Variants in IL1RAPL2 observed in about 807,000 individuals in gnomAD.
IL1RAPL2 encodes interleukin 1 receptor accessory protein like 2, also known as X-linked interleukin-1 receptor accessory protein-like 2.
Under a neutral mutation model 44.1 loss-of-function variants are expected in IL1RAPL2, and 3 were observed. The ratio of observed to expected loss-of-function variants is 0.07; its 90% confidence interval spans 0.03 to 0.18. The LOEUF (loss-of-function observed/expected upper bound fraction) is 0.18. Among genes scored for constraint, IL1RAPL2 ranks in the 10% least tolerant of loss-of-function variants. The probability of loss-of-function intolerance (pLI) is 1.00; values close to 1 mark genes in which losing one functional copy is unlikely to be tolerated. For synonymous variants in IL1RAPL2, 181 were observed against 178.8 expected (o/e 1.01, Z -0.10); for missense variants, 391 against 496.4 (o/e 0.79, Z 2.02).
chrX:105,097,339 A>AAAAAAAAAC, intron 2 of IL1RAPL2, among the ~76,000 whole-genome samples: 1 of 105,434 alleles, frequency 9.5e-6, no homozygotes, highest in African/African-American at 3.5e-5. Context: ...ACAAAAAAAA[A>AAAAAAAAAC]AAAAAAAAAA....
At chrX:104,620,427 C>G (rs1249276647) in intron 1 of IL1RAPL2, among the ~76,000 whole-genome samples, 1 of 107,379 alleles carries the variant, frequency 9.3e-6, no homozygotes, top group African/African-American at 3.4e-5. Flanking sequence ...ATCACAGGGT[C>G]AGGAGATCGA....
chrX:105,162,472 G>T (rs2033334249), intron 2 of IL1RAPL2, among the ~76,000 whole-genome samples: 1 of 112,096 alleles, frequency 8.9e-6, no homozygotes, highest in African/African-American at 3.2e-5. Flanking sequence ...CTTCTAAAGA[G>T]AAAATAAACA....
At chrX:104,934,307 G>A (rs769575535) in intron 2 of IL1RAPL2, among the ~76,000 whole-genome samples, 2 of 109,657 alleles carry the variant, frequency 1.8e-5, no homozygotes, top group East Asian at 2.8e-4. Context: ...TGCCATCAAG[G>A]AACAAATCAA....
At chrX:104,915,901 G>C (rs1249693816) in intron 2 of IL1RAPL2, among the ~76,000 whole-genome samples, 1 of 111,479 alleles carries the variant, frequency 9.0e-6, no homozygotes, top group African/African-American at 3.3e-5. Context: ...TTATTTCTGA[G>C]GGCTCTGTTC....
intron 2 of IL1RAPL2, among the ~76,000 whole-genome samples, chrX:104,880,582 A>T (rs1923037785): frequency 9.0e-6 from 1 of 111,627 alleles, no homozygotes; most frequent in Admixed American, 9.6e-5. Flanking sequence ...TATTTCCATC[A>T]TCCAAGTTCA....
intron 2 of IL1RAPL2, among the ~76,000 whole-genome samples, chrX:104,797,019 G>A (rs1175502654): frequency 3.6e-5 from 4 of 110,582 alleles, no homozygotes; most frequent in Non-Finnish European, 5.7e-5. Context: ...GATCCCGCCC[G>A]CCTCGGCCTC....
chrX:105,085,485 A>G (rs1229796437), intron 2 of IL1RAPL2, among the ~76,000 whole-genome samples: 2 of 112,477 alleles, frequency 1.8e-5, no homozygotes. Flanking sequence ...ATCACCTCAC[A>G]CCAGTCAGAA....
chrX:104,879,983 G>T (rs1277749014), intron 2 of IL1RAPL2, among the ~76,000 whole-genome samples: 1 of 111,427 alleles, frequency 9.0e-6, no homozygotes, highest in Non-Finnish European at 1.9e-5. Context: ...AATGTGAAAA[G>T]TGGGGGAGTG....
intron 2 of IL1RAPL2, among the ~76,000 whole-genome samples, chrX:105,144,092 T>TGG (rs1377414949): frequency 5.5e-4 from 43 of 78,633 alleles, no homozygotes; most frequent in Admixed American, 4.3e-3. Flanking sequence ...TTTCAACAGA[T>TGG]GGGTGTGTGT....
At chrX:104,633,735 C>T (rs775615451) in intron 1 of IL1RAPL2, among the ~76,000 whole-genome samples, 1 of 110,712 alleles carries the variant, frequency 9.0e-6, no homozygotes, top group Non-Finnish European at 1.9e-5. Flanking sequence ...TCTCTCTTTT[C>T]TTCTTTATTA....
intron 6 of IL1RAPL2, among the ~76,000 whole-genome samples, chrX:105,697,982 A>G (rs1161753705): frequency 9.0e-6 from 1 of 111,096 alleles, no homozygotes; most frequent in Non-Finnish European, 1.9e-5. Context: ...TATATAAGCC[A>G]ACAGTTTTTC....
intron 7 of IL1RAPL2, among the ~76,000 whole-genome samples, chrX:105,737,085 T>C (rs1056364153): frequency 9.9e-5 from 11 of 111,295 alleles, no homozygotes; most frequent in African/African-American, 3.6e-4. Flanking sequence ...TGCAGCAACA[T>C]GGATGGAGCT....
chrX:105,086,874 T>C (rs1239399539), intron 2 of IL1RAPL2, among the ~76,000 whole-genome samples: 2 of 110,879 alleles, frequency 1.8e-5, no homozygotes, highest in African/African-American at 3.3e-5. Context: ...CAGATCAAAA[T>C]AGTAGGGACC....
At chrX:105,476,561 T>C (rs2036198928) in intron 5 of IL1RAPL2, among the ~76,000 whole-genome samples, 1 of 111,958 alleles carries the variant, frequency 8.9e-6, no homozygotes, top group Admixed American at 9.5e-5. Context: ...CTAGAGAATA[T>C]ATCTTCTCTC....
intron 3 of IL1RAPL2, among the ~76,000 whole-genome samples, chrX:105,199,352 G>T: frequency 9.6e-6 from 1 of 103,843 alleles, no homozygotes. Context: ...ATTGTAGAAA[G>T]ATGCTCCAGG....
chrX:104,819,441 C>T (rs1921239630), intron 2 of IL1RAPL2, among the ~76,000 whole-genome samples: 1 of 111,916 alleles, frequency 8.9e-6, no homozygotes, highest in South Asian at 3.7e-4. Flanking sequence ...CAGAAACTGT[C>T]CGGAAAAGCA....
At chrX:105,552,396 A>G (rs1316814871) in intron 6 of IL1RAPL2, among the ~76,000 whole-genome samples, 1 of 112,485 alleles carries the variant, frequency 8.9e-6, no homozygotes, top group Non-Finnish European at 1.9e-5. Context: ...CACCAAAATT[A>G]TACCTTGTGG....
chrX:104,585,150 C>T (rs867843025), intron 1 of IL1RAPL2, among the ~76,000 whole-genome samples: 17 of 73,172 alleles, frequency 2.3e-4, no homozygotes, highest in Middle Eastern at 8.4e-3. Context: ...TACACACACA[C>T]ATATATATAC....
At chrX:105,210,507 G>A (rs2033799680) in intron 3 of IL1RAPL2, among the ~76,000 whole-genome samples, 1 of 110,443 alleles carries the variant, frequency 9.1e-6, no homozygotes, top group Non-Finnish European at 1.9e-5. Context: ...GGGTGGGGTG[G>A]GAAATGTACA....
Sources: gnomAD v4.1 joint callset for allele counts (sites outside exome capture counted in the v4.1 genomes callset) on GRCh38, gnomAD v4.1.1 for gene constraint, MANE v1.5 for transcripts, NCBI Gene and HGNC (gene_info 2026-07-23, HGNC 2026-07-21) for gene names.